Variants in APC observed in about 807,000 individuals in gnomAD.
APC encodes the protein adenomatous polyposis coli protein.
In APC, 72 loss-of-function variants were observed where a neutral mutation model predicts 247.0. The ratio of observed to expected loss-of-function variants is 0.29; its 90% CI spans 0.24 to 0.35. The LOEUF is 0.35. Ranked by LOEUF, APC falls within the 10% of genes least tolerant of loss-of-function variation. The pLI is 1.00. For missense variants in APC, 3,400 were observed against 3,360.7 expected (o/e 1.01, Z -0.29); for synonymous variants, 1,254 against 1,162.5 (o/e 1.08, Z -1.60).
At chr5:112,827,348 C>T (rs1763811255) in intron 12 of APC, 101 bp downstream of exon 12, 1 of 1,295,794 alleles carries the variant, frequency 7.7e-7, no homozygotes, top group South Asian at 1.2e-5. Context: ...TCACTCTCCT[C>T]ATTAAACAAT....
chr5:112,809,995 CA>C (rs1280791584), intron 8 of APC: 2,938 of 302,398 alleles, frequency 9.7e-3, no homozygotes, highest in South Asian at 0.015. Flanking sequence ...GACTCCGTCT[CA>C]AAAAAAAAAG....
At chr5:112,818,791 A>G (rs996077383) in intron 9 of APC, among the ~76,000 whole-genome samples, 175 bp from the exon 10 acceptor site, 2 of 151,342 alleles carry the variant, frequency 1.3e-5, no homozygotes, top group African/African-American at 4.9e-5. Flanking sequence ...AGATTTTGAA[A>G]TAACACTGAT....
At position 112,780,981 on chromosome 5, in the gene APC, A is replaced by G. The variant is rs148378237; in HGVS notation, c.645+78A>G. ...ATGAATTACAGCTCTGTTAATATTG[A>G]TTAAATTTTATTAAAGACATAAGGC... On this transcript the variant is annotated intron_variant, in intron 6 of 15. Transcript: ENST00000257430. 4.2e-5 allele frequency: 39 copies of G among 937,232 alleles called. 1 individual carries two copies. In the East Asian group the frequency reaches 1.0e-3, roughly 25 times the overall value. The allele number at this position is 937,232 out of a possible 1,614,324, so 58.1% of individuals were successfully genotyped here.
chr5:112,735,113 GAT>G (rs1293635827), upstream of APC, among the ~76,000 whole-genome samples: 2 of 152,122 alleles, frequency 1.3e-5, no homozygotes, highest in South Asian at 4.2e-4. Flanking sequence ...GAAAATAAGA[GAT>G]ATGTTTGTCA....
intron 10 of APC, among the ~76,000 whole-genome samples, chr5:112,820,715 G>A (rs935238896): frequency 4.6e-5 from 7 of 152,128 alleles, no homozygotes; most frequent in East Asian, 1.9e-4. Context: ...AAAAACTTAC[G>A]TCAAATGAGT....
chr5:112,782,681 A>G (rs1758479990), intron 6 of APC, among the ~76,000 whole-genome samples: 1 of 152,228 alleles, frequency 6.6e-6, no homozygotes, highest in East Asian at 1.9e-4. Context: ...ACCTTTCAGT[A>G]GAAAATATAC....
chr5:112,775,473 AC>A (rs1561477339), intron 4 of APC, among the ~76,000 whole-genome samples, 155 bp from the exon 5 acceptor site: 1 of 152,142 alleles, frequency 6.6e-6, no homozygotes, highest in Non-Finnish European at 1.5e-5. Context: ...TCTAAGTCCT[AC>A]CTTTAAAAAT....
Position 112,839,973 on chromosome 5 carries a change from C to CTT in APC, c.4380_4381insTT (p.Glu1461LeufsTer13), listed in dbSNP as rs1220170924. 1.9e-6 allele frequency: 3 copies of CTT among 1,614,088 alleles called. No individual in the cohort carries two copies. ...GTACCTAAAAATAAAGCACCTACTG[C>CTT]TGAAAAGAGAGAGAGTGGACCTAAG... On this transcript the variant is annotated frameshift_variant, in exon 16 of 16. Transcript: ENST00000257430. LOFTEE classifies it high-confidence loss of function. The surrounding 1 kb of genome is among the most constrained non-coding windows in gnomAD (Gnocchi z 5.0).
intron 1 of APC, among the ~76,000 whole-genome samples, chr5:112,723,390 A>G (rs1751593292): frequency 6.6e-6 from 1 of 152,100 alleles, no homozygotes; most frequent in Non-Finnish European, 1.5e-5. Flanking sequence ...TGAGCCTGTG[A>G]GGCGGAGGTT....
chr5:112,812,139 C>G (rs1762049233), intron 8 of APC, among the ~76,000 whole-genome samples: 1 of 152,162 alleles, frequency 6.6e-6, no homozygotes. Flanking sequence ...CTCATCACCT[C>G]TATAGCATTT....
rs1489694946 is a variant in APC at position 112,845,654 on chromosome 5, C to T, written c.*1528C>T. 4.3e-6 allele frequency: 1 copy of T among 231,964 alleles called. No homozygotes were observed. Among genetic ancestry groups the T allele is most frequent in the Non-Finnish European group, 8.5e-6 (1 of 117,304 alleles). 14.4% of individuals were successfully genotyped at this position (231,964 alleles called of 1,614,324 possible). A position where few individuals can be genotyped will look rare whatever the true frequency, so the allele number is the denominator to read the frequency against. On this transcript the variant is annotated 3_prime_UTR_variant, in exon 16 of 16. Coordinates refer to ENST00000257430, the MANE Select transcript of APC (RefSeq NM_000038.6). ...AAGGAAACTTTATTTGTGGTAGGTA[C>T]AGTTCTGGGGTACATGTTAAGTGTC...
At chr5:112,752,382 C>A (rs1452755655) in intron 1 of APC, among the ~76,000 whole-genome samples, 2 of 152,130 alleles carry the variant, frequency 1.3e-5, no homozygotes, top group Non-Finnish European at 2.9e-5. Flanking sequence ...TAATTTCTTA[C>A]ATTACTTGTA....
At position 112,707,677 on chromosome 5, in the gene APC, G is replaced by C. The variant is rs748454058; in HGVS notation, c.-41G>C. On this transcript the variant is annotated 5_prime_UTR_variant, in exon 1 of 14. Transcript: ENST00000507379. ...ACTGTTGTTGGCTGTTGGTGAGGAA[G>C]GTGAAGCACTCAGTTGCCTTCTCGG... is the stretch of plus-strand genomic sequence containing the variant. The C allele has an allele frequency of 7.3e-7, 1 of 1,370,406 alleles. No homozygotes were observed. The highest frequency in any genetic ancestry group is 1.2e-5 in the South Asian group (1 of 81,722). The allele number at this position is 1,370,406 out of a possible 1,614,324, so 84.9% of individuals were successfully genotyped here.
chr5:112,745,679 C>T (rs11955315), intron 1 of APC, among the ~76,000 whole-genome samples: 2 of 151,702 alleles, frequency 1.3e-5, no homozygotes, highest in Non-Finnish European at 2.9e-5. Flanking sequence ...TCTTAGCGAC[C>T]CCCCCACCCC....
intron 15 of APC, among the ~76,000 whole-genome samples, chr5:112,836,796 T>G (rs763478720): frequency 1.1e-4 from 17 of 150,238 alleles, no homozygotes; most frequent in Non-Finnish European, 2.5e-4. Flanking sequence ...AACCTCTGCC[T>G]CCCAAGTGAT....
intron 7 of APC, among the ~76,000 whole-genome samples, chr5:112,793,203 G>T (rs1685512432): frequency 6.6e-6 from 1 of 152,166 alleles, no homozygotes; most frequent in Admixed American, 6.6e-5. Context: ...AGCAAAAGAT[G>T]AGAGCTTTCT....
At chr5:112,768,315 G>A (rs542584725) in intron 4 of APC, among the ~76,000 whole-genome samples, 7 of 149,748 alleles carry the variant, frequency 4.7e-5, no homozygotes, top group African/African-American at 1.7e-4. Flanking sequence ...AAAGTGCTGG[G>A]ATTACAGGCA....
At chr5:112,758,449 C>T (rs1029185685) in intron 2 of APC, among the ~76,000 whole-genome samples, 1 of 152,234 alleles carries the variant, frequency 6.6e-6, no homozygotes, top group African/African-American at 2.4e-5. Flanking sequence ...GCCTCAGCTT[C>T]CCAAGTAGCT....
At chr5:112,796,902 A>G (rs1051631579) in intron 7 of APC, among the ~76,000 whole-genome samples, 4 of 152,102 alleles carry the variant, frequency 2.6e-5, no homozygotes, top group Admixed American at 6.5e-5. Flanking sequence ...TTCTAAATCA[A>G]TAGTCACATT....
Sources: gnomAD v4.1 joint callset for allele counts (sites outside exome capture counted in the v4.1 genomes callset) on GRCh38, gnomAD v4.1.1 for gene constraint, Gnocchi (gnomAD v3.1) non-coding constraint, MANE v1.5 for transcripts, NCBI Gene and HGNC (gene_info 2026-07-23, HGNC 2026-07-21) for gene names.